KNDC1: variants seen among roughly 807,000 people sequenced by gnomAD.
The protein encoded by KNDC1 is kinase non-catalytic C-lobe domain-containing protein 1.
A neutral mutation model predicts 172.8 loss-of-function variants in KNDC1; 106 were observed. That is an observed-to-expected ratio of 0.61 (90% CI 0.52 to 0.72). The LOEUF is 0.72. Ranked by LOEUF, KNDC1 falls within the 30% of genes least tolerant of loss-of-function variation. The pLI, the probability that KNDC1 is intolerant of heterozygous loss-of-function variation, is 0.00. For missense variants in KNDC1, 2,325 were observed against 2,394.5 expected (o/e 0.97, Z 0.61); for synonymous variants, 1,083 against 1,062.2 (o/e 1.02, Z -0.38).
rs1363942348 is a variant in KNDC1 at position 133,224,373 on chromosome 10, G to A, written c.5019-286G>A. Among the ~76,000 whole-genome samples, 1 of 152,162 alleles carries A rather than the reference G, an allele frequency of 6.6e-6. No individual in the cohort carries two copies. Among genetic ancestry groups the A allele is most frequent in the African/African-American group, 2.4e-5 (1 of 41,456 alleles). On this transcript the variant is annotated intron_variant, in intron 29 of 29. Coordinates refer to ENST00000304613, the MANE Select transcript of KNDC1 (RefSeq NM_152643.8). This position sits in a 1 kb window ranked among gnomAD's most constrained non-coding sequence, Gnocchi z 5.4. ...TCAGCTGCAGCCCCTGCGGCAGACT[G>A]GGCTTGACTCTTCTTGGGACGCTCA...
At chr10:133,193,981 G>A (rs1423011067) in intron 9 of KNDC1, among the ~76,000 whole-genome samples, 2 of 152,186 alleles carry the variant, frequency 1.3e-5, no homozygotes, top group East Asian at 3.8e-4. Flanking sequence ...AGTTGGAGAT[G>A]CCAGTTTCCC....
intron 5 of KNDC1, 43 bp from the exon 6 acceptor site, chr10:133,185,902 AGGGGAGGGGCGGGAGGAGAGGGGAGGGGC>A: frequency 1.2e-5 from 7 of 573,950 alleles, no homozygotes; most frequent in Non-Finnish European, 1.8e-5. Flanking sequence ...GTGGGAGGAG[AGGGGAGGGGCGGGAGGAGAGGGGAGGGGC>A]GGGAGGGGCA....
At chr10:133,212,944 G>A (rs753244471) in intron 24 of KNDC1, 22 bp downstream of exon 24, 30 of 1,594,994 alleles carry the variant, frequency 1.9e-5, no homozygotes, top group East Asian at 6.7e-5. Flanking sequence ...GAGGATCTGC[G>A]CCCAGGTCAC....
At chr10:133,197,008 C>A in intron 10 of KNDC1, 50 bp from the exon 11 acceptor site, 1 of 1,445,710 alleles carries the variant, frequency 6.9e-7, no homozygotes. Context: ...GGGGACGGTG[C>A]AGCCGTGGCT....
At chr10:133,213,513 G>C (rs1845413904) in intron 24 of KNDC1, 132 bp from the exon 25 acceptor site, 2 of 734,336 alleles carry the variant, frequency 2.7e-6, no homozygotes, top group Non-Finnish European at 4.7e-6. Flanking sequence ...CCTGTGGACT[G>C]TTAGATGGGT....
At chr10:133,197,856 G>C in intron 12 of KNDC1, 88 bp downstream of exon 12, 2 of 1,085,776 alleles carry the variant, frequency 1.8e-6, no homozygotes, top group Non-Finnish European at 2.8e-6. Context: ...AGACACAGCC[G>C]GGCACCTCTC....
intron 1 of KNDC1, among the ~76,000 whole-genome samples, chr10:133,162,140 T>C: frequency 6.6e-6 from 1 of 152,118 alleles, no homozygotes; most frequent in East Asian, 1.9e-4. Flanking sequence ...AACGTTCAGG[T>C]GGGCCCTTCG....
chr10:133,189,783 G>T lies in KNDC1; in HGVS notation c.1545G>T (p.Glu515Asp). 2 of 1,613,992 alleles carry T rather than the reference G, an allele frequency of 1.2e-6. No homozygotes were observed. Among genetic ancestry groups the T allele is most frequent in the Non-Finnish European group, 1.7e-6 (2 of 1,179,986 alleles). The part of the protein sequence containing the change: ...GSYDSFFLAP[E>D]LAEERLVTEK... ...ATGACTCGTTCTTTCTGGCTCCCGAGCTGGCAGAGGAGAGGCTGGTAACTG... is the reference window on the plus strand; with the variant it reads ...ATGACTCGTTCTTTCTGGCTCCCGATCTGGCAGAGGAGAGGCTGGTAACTG... Residue 515 changes from glutamate to aspartate, a missense_variant, in exon 9 of 30, where the codon GAG becomes GAT. By Grantham distance (45) the Glu-to-Asp change is conservative (BLOSUM62 2). Transcript: ENST00000304613.
At chr10:133,199,721 T>C in intron 15 of KNDC1, 119 bp downstream of exon 15, 1 of 1,193,096 alleles carries the variant, frequency 8.4e-7, no homozygotes, top group Non-Finnish European at 1.2e-6. Flanking sequence ...ATCTCGCTGC[T>C]GTCTCCAGAG....
intron 3 of KNDC1, among the ~76,000 whole-genome samples, chr10:133,176,461 G>T (rs938762894): frequency 2.0e-5 from 3 of 152,152 alleles, no homozygotes; most frequent in Admixed American, 1.3e-4. Flanking sequence ...TCCCAGGAGG[G>T]TTGTTGCTGG....
At chr10:133,211,332 T>C (rs1845357907) in intron 21 of KNDC1, 90 bp from the exon 22 acceptor site, 1 of 1,086,830 alleles carries the variant, frequency 9.2e-7, no homozygotes, top group South Asian at 1.5e-5. Context: ...GGTCCCACCC[T>C]GCCTCTCTGG....
chr10:133,216,783 T>C (rs1845475491), intron 26 of KNDC1, among the ~76,000 whole-genome samples: 1 of 152,256 alleles, frequency 6.6e-6, no homozygotes, highest in South Asian at 2.1e-4. Context: ...GGCACCTAAA[T>C]GTCCACGGAG....
intron 29 of KNDC1, among the ~76,000 whole-genome samples, chr10:133,220,821 G>A (rs1366561521): frequency 1.3e-5 from 2 of 151,638 alleles, no homozygotes; most frequent in Non-Finnish European, 1.5e-5. Flanking sequence ...GCCCAGGTCA[G>A]GAGGGGCTCA....
At chr10:133,175,748 G>A (rs923633288) in intron 3 of KNDC1, among the ~76,000 whole-genome samples, 6 of 150,922 alleles carry the variant, frequency 4.0e-5, no homozygotes, top group African/African-American at 7.3e-5. Flanking sequence ...GGACGGATGA[G>A]TGTATGGATT....
chr10:133,218,692 C>A, intron 26 of KNDC1, 139 bp from the exon 27 acceptor site: 1 of 1,154,422 alleles, frequency 8.7e-7, no homozygotes, highest in Non-Finnish European at 1.2e-6. Context: ...CCTGCGTCCA[C>A]ACAGCCGCTT....
intron 9 of KNDC1, among the ~76,000 whole-genome samples, chr10:133,191,310 G>A (rs1854066024): frequency 6.6e-6 from 1 of 151,992 alleles, no homozygotes; most frequent in African/African-American, 2.4e-5. Context: ...GGCTGAGGTG[G>A]GAGGATTGTT....
chr10:133,164,592 G>A (rs563988647), intron 1 of KNDC1, among the ~76,000 whole-genome samples: 8 of 152,308 alleles, frequency 5.3e-5, no homozygotes, highest in East Asian at 3.9e-4. Context: ...AACTCCTGTC[G>A]AGGCCACCTC....
Position 133,186,917 on chromosome 10 carries a change from CA to C in KNDC1, c.1326+244del, listed in dbSNP as rs945534660. Among the ~76,000 whole-genome samples, 170 of 152,328 alleles carry C rather than the reference CA, an allele frequency of 1.1e-3. 4 individuals carry two copies. Among genetic ancestry groups the C allele is most frequent in the Admixed American group, 9.8e-4 (15 of 15,306 alleles). On this transcript the variant is annotated intron_variant, in intron 6 of 29. Coordinates refer to ENST00000304613, the MANE Select transcript of KNDC1 (RefSeq NM_152643.8). The stretch of plus-strand genomic sequence containing the variant: ...GTTTGCCTCTGGATGACCCAGAAAG[CA>C]GCCGCCTCCTCAGCCCTGCCCGGCT...
Position 133,200,458 on chromosome 10 carries a change from T to C in KNDC1, c.2987T>C (p.Leu996Pro). The change falls in exon 16 of 30, where the codon CTG becomes CCG. Residue 996 changes from leucine to proline, a missense_variant and splice_region_variant. Coordinates refer to ENST00000304613, the MANE Select transcript of KNDC1 (RefSeq NM_152643.8). ...PSSKRPSLHR[L>P]GKEKPAMART... The stretch of plus-strand genomic sequence containing the variant: ...AGCAAGAGGCCGTCGCTGCACCGCC[T>C]GGGTAAGTGCTGGGCGGGCCCCGCG... The C allele has an allele frequency of 6.3e-7, 1 of 1,574,896 alleles. No individual in the cohort carries two copies. Among genetic ancestry groups the C allele is most frequent in the South Asian group, 1.2e-5 (1 of 85,576 alleles).
Sources: allele counts gnomAD v4.1 joint callset (sites outside exome capture counted in the v4.1 genomes callset), GRCh38; gene constraint gnomAD v4.1.1; non-coding constraint Gnocchi (gnomAD v3.1); transcripts MANE v1.5; gene names NCBI Gene and HGNC (gene_info 2026-07-23, HGNC 2026-07-21).